TBX5: variants seen among roughly 807,000 people sequenced by gnomAD.
The protein encoded by TBX5 is T-box transcription factor TBX5.
In TBX5, 8 loss-of-function variants were observed where a neutral mutation model predicts 51.1. The ratio of observed to expected loss-of-function variants is 0.16; its 90% CI spans 0.09 to 0.28. TBX5 has a LOEUF of 0.28. Ranked by LOEUF, TBX5 falls within the 10% of genes least tolerant of loss-of-function variation. TBX5 has a pLI of 1.00. For missense variants in TBX5, 589 were observed against 671.7 expected (o/e 0.88, Z 1.36); for synonymous variants, 302 against 266.4 (o/e 1.13, Z -1.30).
intron 3 of TBX5, among the ~76,000 whole-genome samples, chr12:114,401,260 C>A (rs2136420662): frequency 6.6e-6 from 1 of 152,316 alleles, no homozygotes; most frequent in South Asian, 2.1e-4. Flanking sequence ...CCCGGCCGAG[C>A]CCCGGTTCAG....
chr12:114,385,512 T>C lies in TBX5; in HGVS notation c.719A>G (p.Asp240Gly), dbSNP rs1343244000. ...NPFAKGFRGS[D>G]DMELHRMSRM... ...TGACATTCTGTGCAGCTCCATGTCA[T>C]CACTGCCCCGAAATCCTTTGGCAAA... The change falls in exon 7 of 9, where the codon GAT (aspartate) becomes GGT (glycine). Residue 240 changes from aspartate to glycine, a missense_variant. Transcript: ENST00000405440. 3.1e-6 allele frequency: 5 copies of C among 1,614,222 alleles called. No individual in the cohort carries two copies. In the Admixed American group the frequency reaches 5.0e-5, roughly 16 times the overall value.
chr12:114,371,641 T>C (rs1325286544), intron 7 of TBX5, among the ~76,000 whole-genome samples: 1 of 149,420 alleles, frequency 6.7e-6, no homozygotes, highest in Non-Finnish European at 1.5e-5. Context: ...GGCAGCCTTT[T>C]TCAAACAACT....
At chr12:114,364,795 C>G (rs917038263) in intron 8 of TBX5, among the ~76,000 whole-genome samples, 5 of 152,156 alleles carry the variant, frequency 3.3e-5, no homozygotes, top group African/African-American at 1.2e-4. Flanking sequence ...ATATCATTTA[C>G]AAAGTGAGAA....
intron 7 of TBX5, among the ~76,000 whole-genome samples, chr12:114,371,587 GTTTTTTTT>G (rs57151200): frequency 8.2e-6 from 1 of 121,720 alleles, no homozygotes; most frequent in Admixed American, 8.3e-5. Flanking sequence ...AGATTTTTGT[GTTTTTTTT>G]TTTTTTTTTT....
chr12:114,393,285 C>T (rs372719643), intron 6 of TBX5, among the ~76,000 whole-genome samples: 138 of 151,982 alleles, frequency 9.1e-4, no homozygotes, highest in African/African-American at 3.0e-3. Flanking sequence ...GAGGGGCACA[C>T]CATCTCCACA....
At chr12:114,370,834 T>C (rs1489201935) in intron 7 of TBX5, among the ~76,000 whole-genome samples, 2 of 152,070 alleles carry the variant, frequency 1.3e-5, no homozygotes, top group Non-Finnish European at 2.9e-5. Flanking sequence ...TTTGGTTACG[T>C]GGATTAGTTC....
chr12:114,400,500 G>A (rs906273499), intron 3 of TBX5, among the ~76,000 whole-genome samples: 5 of 152,260 alleles, frequency 3.3e-5, no homozygotes, highest in Non-Finnish European at 5.9e-5. Context: ...AGATTCTCAA[G>A]GCTGGCCCGG....
At position 114,405,861 on chromosome 12, in the gene TBX5, T is replaced by C. The variant is rs1166138779; in HGVS notation, c.-272A>G. The stretch of plus-strand genomic sequence containing the variant: ...CTGTGCGCTTGCTCTCCCTAAATAC[T>C]TCCCAGTTGGCAAGCGCCAAAGAAC... On this transcript the variant is annotated 5_prime_UTR_variant, in exon 1 of 9. Coordinates refer to ENST00000405440, the MANE Select transcript of TBX5 (RefSeq NM_181486.4). 7 of 985,302 alleles carry C rather than the reference T, an allele frequency of 7.1e-6. No individual in the cohort carries two copies. The African/African-American group carries it at 1.2e-4, about 17-fold the overall frequency. 61.0% of individuals were successfully genotyped at this position (985,302 alleles called of 1,614,324 possible). A position where few individuals can be genotyped will look rare whatever the true frequency, so the allele number is the denominator to read the frequency against.
chr12:114,381,485 A>C (rs530551567), intron 7 of TBX5, among the ~76,000 whole-genome samples: 192 of 152,318 alleles, frequency 1.3e-3, no homozygotes, highest in African/African-American at 4.3e-3. Context: ...ATTCTGAACA[A>C]GGGCAAAATT....
upstream of TBX5, among the ~76,000 whole-genome samples, chr12:114,406,333 A>G (rs1020514245): frequency 7.3e-5 from 11 of 150,722 alleles, no homozygotes; most frequent in African/African-American, 2.7e-4. Flanking sequence ...CCCAACCTCC[A>G]TCCATCTCTG....
intron 7 of TBX5, among the ~76,000 whole-genome samples, chr12:114,381,304 TC>T (rs1870495179): frequency 1.3e-5 from 2 of 152,068 alleles, no homozygotes; most frequent in African/African-American, 2.4e-5. Context: ...CCTGCTTTTC[TC>T]CCATAGCCAG....
Position 114,402,060 on chromosome 12 carries a change from C to A in TBX5, c.148-140G>T, listed in dbSNP as rs536153129. 2.1e-5 allele frequency: 16 copies of A among 769,622 alleles called. No homozygotes were observed. The African/African-American group carries it at 2.2e-4, about 11-fold the overall frequency. 47.7% of individuals were successfully genotyped at this position (769,622 alleles called of 1,614,324 possible). A position where few individuals can be genotyped will look rare whatever the true frequency, so the allele number is the denominator to read the frequency against. ...TCAGAGAGTAAAAAGTGGCTTCAGC[C>A]CACTGCAGAATTATCTGGAGCACCC... On this transcript the variant is annotated intron_variant, in intron 2 of 8. Coordinates refer to ENST00000405440, the MANE Select transcript of TBX5 (RefSeq NM_181486.4).
At chr12:114,388,067 TG>T (rs1420821458) in intron 6 of TBX5, among the ~76,000 whole-genome samples, 1 of 152,254 alleles carries the variant, frequency 6.6e-6, no homozygotes, top group African/African-American at 2.4e-5. Context: ...CAGGCTGGTC[TG>T]GAACTCCTGA....
chr12:114,371,557 C>G (rs1430809749), intron 7 of TBX5, among the ~76,000 whole-genome samples: 1 of 150,954 alleles, frequency 6.6e-6, no homozygotes, highest in Non-Finnish European at 1.5e-5. Flanking sequence ...GAGCAGGTGG[C>G]AGGGGGCGCT....
chr12:114,355,532 T>A lies in TBX5; in HGVS notation c.1557A>T (p.Ter519TyrextTer11). 6.2e-7 allele frequency: 1 copy of A among 1,614,114 alleles called. No homozygotes were observed. Among genetic ancestry groups the A allele is most frequent in the South Asian group, 1.1e-5 (1 of 91,040 alleles). Residue 519 changes from the stop codon to tyrosine (Y), a stop_lost, in exon 9 of 9, where the codon TAA becomes TAT. Transcript: ENST00000405440. ...TGTCTGTTGTGAAGCAGGCCTCACTTTAGCTATTGTCGCTCCACTCTGGCA... is the reference window on the plus strand; with the variant it reads ...TGTCTGTTGTGAAGCAGGCCTCACTATAGCTATTGTCGCTCCACTCTGGCA... Reference protein sequence around the residue: ...GMVPEWSDNS* With the variant: ...GMVPEWSDNSY
chr12:114,368,251 C>A (rs1593849218), intron 7 of TBX5, among the ~76,000 whole-genome samples: 1 of 152,278 alleles, frequency 6.6e-6, no homozygotes, highest in Middle Eastern at 3.4e-3. Context: ...AAGAGGATTG[C>A]TTGAGCCCAG....
At chr12:114,370,463 C>T (rs1869832976) in intron 7 of TBX5, among the ~76,000 whole-genome samples, 1 of 152,110 alleles carries the variant, frequency 6.6e-6, no homozygotes, top group Admixed American at 6.6e-5. Flanking sequence ...ACTCACGCCA[C>T]CTAATACTTT....
chr12:114,365,506 TAC>T (rs1249556542), intron 8 of TBX5, among the ~76,000 whole-genome samples: 3 of 152,088 alleles, frequency 2.0e-5, no homozygotes, highest in Admixed American at 6.5e-5. Flanking sequence ...GCAAAATACA[TAC>T]AGTGTGATTT....
rs549489005 is a variant in TBX5, at chr12:114,403,454, C to A, written c.147+298G>T. On this transcript the variant is annotated intron_variant, in intron 2 of 8. Transcript: ENST00000405440. ...TATCTAGGCCATTGTTAGCTGACCC[C>A]AAACGGCCGGATAATTGAGATTTCT... is the stretch of plus-strand genomic sequence containing the variant. 7.2e-5 allele frequency among the ~76,000 whole-genome samples: 11 copies of A among 152,300 alleles called. No homozygotes were observed. In the South Asian group the frequency reaches 2.3e-3, roughly 32 times the overall value.
Sources: allele counts gnomAD v4.1 joint callset (sites outside exome capture counted in the v4.1 genomes callset), GRCh38; gene constraint gnomAD v4.1.1; transcripts MANE v1.5; gene names NCBI Gene and HGNC (gene_info 2026-07-23, HGNC 2026-07-21).